The following PTPRN2 variants were observed in gnomAD, a reference collection of about 807,000 sequenced individuals.
PTPRN2 encodes the protein protein tyrosine phosphatase receptor type N2.
A neutral mutation model predicts 118.8 loss-of-function variants in PTPRN2; 74 were observed. That is an observed-to-expected ratio of 0.62 (90% CI 0.52 to 0.76). PTPRN2 has a LOEUF of 0.76. Among genes scored for constraint, PTPRN2 ranks in the 30% least tolerant of loss-of-function variants. PTPRN2 has a pLI of 0.00. For missense variants in PTPRN2, 1,481 were observed against 1,394.4 expected (o/e 1.06, Z -0.99); for synonymous variants, 641 against 608.0 (o/e 1.05, Z -0.80).
chr7:158,500,986 C>T (rs1331010850), intron 1 of PTPRN2, among the ~76,000 whole-genome samples: 7 of 152,388 alleles, frequency 4.6e-5, no homozygotes, highest in East Asian at 3.9e-4. Context: ...GGGCCACGTC[C>T]GCTGGGAGCT....
At chr7:157,897,301 C>G (rs987242135) in intron 12 of PTPRN2, among the ~76,000 whole-genome samples, 5 of 152,166 alleles carry the variant, frequency 3.3e-5, no homozygotes, top group Non-Finnish European at 7.4e-5. Flanking sequence ...GTCACAGCCA[C>G]CCCCGGCTGA....
intron 11 of PTPRN2, chr7:158,029,305 C>G (rs1807519782): frequency 6.6e-6 from 1 of 152,246 alleles, no homozygotes; most frequent in African/African-American, 2.4e-5. Context: ...TGTCCTCTGT[C>G]TCCTCTAAGT....
At chr7:158,553,757 T>C (rs59404966) in intron 1 of PTPRN2, among the ~76,000 whole-genome samples, 9,421 of 145,614 alleles carry the variant, frequency 0.065, 974 homozygotes, top group African/African-American at 0.22. Flanking sequence ...TTCCTGTCTA[T>C]ACACAGGCTT....
chr7:158,193,521 G>C (rs1266521045), intron 4 of PTPRN2, among the ~76,000 whole-genome samples: 1 of 152,014 alleles, frequency 6.6e-6, no homozygotes, highest in Non-Finnish European at 1.5e-5. Flanking sequence ...TGGAGGCCTG[G>C]GCATGCACAG....
chr7:158,491,004 A>G (rs1456720158), intron 1 of PTPRN2, among the ~76,000 whole-genome samples: 1 of 152,178 alleles, frequency 6.6e-6, no homozygotes, highest in Non-Finnish European at 1.5e-5. Flanking sequence ...GAATCTGGAG[A>G]AAGTTATGAA....
rs562759413 is a variant in PTPRN2, at chr7:158,089,557, A to AC, written c.1644-8181_1644-8180insG. ...CTGATGAAAGAGGGAGTCTTCACACAAACCTTCTTCCCCTGATGAAAGAGG... is the reference window on the plus strand; with the variant it reads ...CTGATGAAAGAGGGAGTCTTCACACACAACCTTCTTCCCCTGATGAAAGAGG... On this transcript the variant is annotated intron_variant, in intron 10 of 22. Coordinates refer to ENST00000389418, the MANE Select transcript of PTPRN2 (RefSeq NM_002847.5). 5.1e-3 allele frequency among the ~76,000 whole-genome samples: 586 copies of AC among 114,144 alleles called. 1 individual carries two copies. Among genetic ancestry groups the AC allele is most frequent in the East Asian group, 0.011 (39 of 3,454 alleles). The allele number at this position is 114,144 out of a possible 152,430, so 74.9% of individuals were successfully genotyped here.
chr7:158,344,602 G>A (rs1305484486), intron 2 of PTPRN2, among the ~76,000 whole-genome samples: 1 of 152,138 alleles, frequency 6.6e-6, no homozygotes, highest in Admixed American at 6.5e-5. Flanking sequence ...GACTTTTCTA[G>A]CCCAAGAATG....
intron 2 of PTPRN2, among the ~76,000 whole-genome samples, chr7:158,389,855 G>C (rs1811791362): frequency 6.6e-6 from 1 of 152,234 alleles, no homozygotes; most frequent in South Asian, 2.1e-4. Flanking sequence ...AGAGGTGAGA[G>C]CCTCAGCAAA....
rs151099124 is a variant in PTPRN2 at position 158,202,091 on chromosome 7, T to C, written c.380+3080A>G. On this transcript the variant is annotated intron_variant, in intron 4 of 22. Coordinates refer to ENST00000389418, the MANE Select transcript of PTPRN2 (RefSeq NM_002847.5). ...GCTATTAAAGGATAGCTTATAAATA[T>C]CCCAAATCACACAACAGTGTAAGCA... is the stretch of plus-strand genomic sequence containing the variant. 3.4e-3 allele frequency among the ~76,000 whole-genome samples: 522 copies of C among 152,214 alleles called. 1 individual carries two copies. The highest frequency in any genetic ancestry group is 0.012 in the African/African-American group (480 of 41,524).
intron 3 of PTPRN2, among the ~76,000 whole-genome samples, chr7:158,306,564 G>A (rs1004110990): frequency 2.6e-5 from 4 of 152,116 alleles, no homozygotes; most frequent in African/African-American, 7.2e-5. Flanking sequence ...CAGAGACTTG[G>A]TGGCCACACA....
intron 22 of PTPRN2, among the ~76,000 whole-genome samples, chr7:157,548,137 A>C (rs183952900): frequency 6.6e-6 from 1 of 152,218 alleles, no homozygotes; most frequent in Non-Finnish European, 1.5e-5. Context: ...AATCGCTTTA[A>C]CCTGGGAGGT....
At chr7:158,282,176 G>GC (rs1392635012) in intron 3 of PTPRN2, among the ~76,000 whole-genome samples, 1 of 81,188 alleles carries the variant, frequency 1.2e-5, no homozygotes, top group Non-Finnish European at 2.7e-5. Context: ...GAGTGGCTCT[G>GC]CCTTTTTTTT....
At chr7:158,110,007 G>C (rs62480202) in intron 10 of PTPRN2, among the ~76,000 whole-genome samples, 1 of 77,114 alleles carries the variant, frequency 1.3e-5, no homozygotes, top group African/African-American at 3.4e-5. Context: ...CTGTGTGAAG[G>C]GACCAGTGAG....
chr7:158,374,081 GGGCCCTTCTGACCCTCGCAGT>G (rs1247989459), intron 2 of PTPRN2, among the ~76,000 whole-genome samples: 2 of 152,178 alleles, frequency 1.3e-5, no homozygotes, highest in African/African-American at 2.4e-5. Context: ...CTCAGGCAGC[GGGCCCTTCTGACCCTCGCAGT>G]GGCCCTTCTG....
chr7:158,341,327 A>C (rs1586385490), intron 2 of PTPRN2, among the ~76,000 whole-genome samples: 1 of 149,606 alleles, frequency 6.7e-6, no homozygotes. Context: ...CACACACGTC[A>C]CTCACACCCA....
intron 12 of PTPRN2, among the ~76,000 whole-genome samples, chr7:157,833,695 T>C (rs1807741155): frequency 6.6e-6 from 1 of 152,208 alleles, no homozygotes; most frequent in Non-Finnish European, 1.5e-5. Flanking sequence ...TTTAGGAAAT[T>C]GGGGAGGGTG....
intron 6 of PTPRN2, among the ~76,000 whole-genome samples, chr7:158,166,225 C>G (rs1334473109): frequency 6.6e-6 from 1 of 151,422 alleles, no homozygotes; most frequent in Non-Finnish European, 1.5e-5. Context: ...CACACACTGT[C>G]CTCACACCCT....
At chr7:158,267,293 C>T (rs1000455924) in intron 3 of PTPRN2, among the ~76,000 whole-genome samples, 1 of 150,924 alleles carries the variant, frequency 6.6e-6, no homozygotes, top group Admixed American at 6.6e-5. Flanking sequence ...CCGGCTGGCC[C>T]GGCAGAGCTG....
chr7:157,754,413 A>G (rs1309085183), intron 12 of PTPRN2, among the ~76,000 whole-genome samples: 1 of 152,260 alleles, frequency 6.6e-6, no homozygotes, highest in African/African-American at 2.4e-5. Flanking sequence ...GGGTGGTCCA[A>G]GCACTGAGTT....
Sources: allele counts gnomAD v4.1 joint callset (sites outside exome capture counted in the v4.1 genomes callset), GRCh38; gene constraint gnomAD v4.1.1; transcripts MANE v1.5; gene names NCBI Gene and HGNC (gene_info 2026-07-23, HGNC 2026-07-21).